The following CTNNA3 variants were observed in gnomAD, a reference collection of about 807,000 sequenced individuals.
CTNNA3 encodes catenin alpha 3.
A neutral mutation model predicts 95.7 loss-of-function variants in CTNNA3; 76 were observed. That is an observed-to-expected ratio of 0.79 (90% CI 0.66 to 0.96). The LOEUF (loss-of-function observed/expected upper bound fraction) is 0.96, where lower values mean the gene tolerates loss of function less well. Among genes scored for constraint, CTNNA3 ranks in the 40% least tolerant of loss-of-function variants. The probability of loss-of-function intolerance (pLI) is 0.00; values close to 1 mark genes in which losing one functional copy is unlikely to be tolerated. For missense variants in CTNNA3, 1,191 were observed against 1,089.8 expected (o/e 1.09, Z -1.31); for synonymous variants, 431 against 374.4 (o/e 1.15, Z -1.74).
chr10:67,704,916 C>T (rs1841068475), intron 1 of CTNNA3, among the ~76,000 whole-genome samples: 1 of 149,850 alleles, frequency 6.7e-6, no homozygotes, highest in Non-Finnish European at 1.5e-5. Context: ...ACAATGAACT[C>T]AAACAAATTT....
At chr10:65,958,532 C>T (rs1474785416) in intron 17 of CTNNA3, among the ~76,000 whole-genome samples, 1 of 152,042 alleles carries the variant, frequency 6.6e-6, no homozygotes, top group Non-Finnish European at 1.5e-5. Flanking sequence ...TTTTATCTAC[C>T]TTTGGTCTTT....
intron 17 of CTNNA3, among the ~76,000 whole-genome samples, chr10:65,940,810 G>A (rs2077418471): frequency 6.6e-6 from 1 of 152,128 alleles, no homozygotes; most frequent in Non-Finnish European, 1.5e-5. Flanking sequence ...AAAAGAAAAT[G>A]ATATTTCAGA....
At chr10:67,047,479 G>T (rs10762131) in intron 7 of CTNNA3, among the ~76,000 whole-genome samples, 18,296 of 152,030 alleles carry the variant, frequency 0.12, 1,307 homozygotes, top group African/African-American at 0.21. Context: ...GAGTGTTACT[G>T]CATTATATTT....
chr10:66,475,334 A>C (rs989563303), intron 11 of CTNNA3, among the ~76,000 whole-genome samples: 3 of 151,982 alleles, frequency 2.0e-5, no homozygotes, highest in Admixed American at 1.3e-4. Context: ...ACATAGGGGA[A>C]ATGCTTTATG....
At chr10:66,870,292 C>T (rs938435884) in intron 7 of CTNNA3, among the ~76,000 whole-genome samples, 22 of 152,148 alleles carry the variant, frequency 1.4e-4, no homozygotes, top group Admixed American at 2.6e-4. Context: ...TTTGCAAAAA[C>T]GCAATGATGC....
chr10:66,435,856 C>T (rs529707529), intron 11 of CTNNA3, among the ~76,000 whole-genome samples: 21 of 152,270 alleles, frequency 1.4e-4, no homozygotes, highest in Non-Finnish European at 2.2e-4. Flanking sequence ...TTAGCTGTGT[C>T]CCAGAGATTC....
intron 1 of CTNNA3, among the ~76,000 whole-genome samples, chr10:67,715,397 G>T (rs140896448): frequency 3.3e-5 from 5 of 152,258 alleles, no homozygotes; most frequent in African/African-American, 1.2e-4. Flanking sequence ...AAGACTAGGA[G>T]AACTGACCAA....
At chr10:66,186,308 GAT>G (rs1436346335) in intron 13 of CTNNA3, among the ~76,000 whole-genome samples, 1 of 151,818 alleles carries the variant, frequency 6.6e-6, no homozygotes, top group African/African-American at 2.4e-5. Flanking sequence ...GTGTGTGAGA[GAT>G]AGAGAGAGAG....
intron 5 of CTNNA3, among the ~76,000 whole-genome samples, chr10:67,396,849 A>G (rs1356755243): frequency 6.6e-6 from 1 of 151,860 alleles, no homozygotes; most frequent in Non-Finnish European, 1.5e-5. Flanking sequence ...TTCTCACAAG[A>G]GCTGATGGTT....
chr10:66,946,868 A>T (rs1327727857), intron 7 of CTNNA3, among the ~76,000 whole-genome samples: 1 of 152,164 alleles, frequency 6.6e-6, no homozygotes, highest in African/African-American at 2.4e-5. Context: ...CATGTATTCC[A>T]CAGCATGAAT....
intron 5 of CTNNA3, among the ~76,000 whole-genome samples, chr10:67,403,982 G>C (rs1200150438): frequency 6.6e-6 from 1 of 152,102 alleles, no homozygotes; most frequent in Non-Finnish European, 1.5e-5. Context: ...ACAGAAAAGT[G>C]GTCAGACTGT....
intron 9 of CTNNA3, among the ~76,000 whole-genome samples, chr10:66,647,352 C>G (rs1845741101): frequency 6.6e-6 from 1 of 152,118 alleles, no homozygotes; most frequent in African/African-American, 2.4e-5. Context: ...AGGAAAGTAA[C>G]TATGACTAGG....
intron 3 of CTNNA3, among the ~76,000 whole-genome samples, chr10:67,596,875 CTCTT>C (rs1354557559): frequency 6.6e-6 from 1 of 152,216 alleles, no homozygotes; most frequent in African/African-American, 2.4e-5. Flanking sequence ...AAGGCATTCT[CTCTT>C]TCCCTCTCTT....
intron 10 of CTNNA3, among the ~76,000 whole-genome samples, chr10:66,561,953 A>G (rs1842566756): frequency 6.6e-6 from 1 of 152,088 alleles, no homozygotes; most frequent in Admixed American, 6.6e-5. Flanking sequence ...GATCAAAGAT[A>G]AGGGATCGAG....
chr10:66,055,901 G>A (rs1433112300), intron 15 of CTNNA3, among the ~76,000 whole-genome samples: 5 of 118,350 alleles, frequency 4.2e-5, no homozygotes, highest in African/African-American at 6.7e-5. Flanking sequence ...CAGCCTGGGC[G>A]ACAGAGCGAG....
At chr10:66,406,874 C>A (rs1448227878) in intron 11 of CTNNA3, among the ~76,000 whole-genome samples, 1 of 152,068 alleles carries the variant, frequency 6.6e-6, no homozygotes, top group Non-Finnish European at 1.5e-5. Context: ...AGTGAAATAA[C>A]CATACTTATA....
intron 5 of CTNNA3, among the ~76,000 whole-genome samples, chr10:67,387,398 G>A (rs966289142): frequency 2.6e-5 from 4 of 152,092 alleles, no homozygotes; most frequent in Admixed American, 1.3e-4. Flanking sequence ...CACCTGGCTC[G>A]GAGGGTCCTA....
chr10:65,967,144 G>A (rs779867892), intron 16 of CTNNA3, among the ~76,000 whole-genome samples: 1 of 151,504 alleles, frequency 6.6e-6, no homozygotes, highest in Non-Finnish European at 1.5e-5. Context: ...TTTTAGTAGA[G>A]ACAGGGTTTC....
At chr10:66,733,638 C>T (rs907455920) in intron 9 of CTNNA3, among the ~76,000 whole-genome samples, 4 of 151,750 alleles carry the variant, frequency 2.6e-5, no homozygotes, top group Non-Finnish European at 4.4e-5. Context: ...TACTTAACCT[C>T]ACTCAGGTAT....
Sources: allele counts gnomAD v4.1 joint callset (sites outside exome capture counted in the v4.1 genomes callset), GRCh38; gene constraint gnomAD v4.1.1; transcripts MANE v1.5; gene names NCBI Gene and HGNC (gene_info 2026-07-23, HGNC 2026-07-21).